LRRC7: variants seen among roughly 807,000 people sequenced by gnomAD.
LRRC7 encodes the protein leucine-rich repeat-containing protein 7.
In LRRC7, 23 loss-of-function variants were observed where a neutral mutation model predicts 175.7. That is an observed-to-expected ratio of 0.13 (90% confidence interval 0.09 to 0.19). The LOEUF (loss-of-function observed/expected upper bound fraction) is 0.19. Ranked by LOEUF, LRRC7 falls within the 10% of genes least tolerant of loss-of-function variation. LRRC7 has a pLI of 1.00. For synonymous variants in LRRC7, 685 were observed against 680.9 expected, an observed-to-expected ratio of 1.01 and a Z score of -0.09; for missense variants, 1,354 against 1,904.7, an observed-to-expected ratio of 0.71 and a Z score of 5.38.
chr1:70,107,106 C>T (rs1208888504), intron 25 of LRRC7, among the ~76,000 whole-genome samples: 3 of 152,194 alleles, frequency 2.0e-5, no homozygotes, highest in Non-Finnish European at 4.4e-5. Flanking sequence ...TCTTTCTATA[C>T]ATGGTCAATG....
chr1:69,663,669 A>G (rs1376086111), intron 1 of LRRC7, among the ~76,000 whole-genome samples: 4 of 106,742 alleles, frequency 3.7e-5, no homozygotes, highest in Non-Finnish European at 5.7e-5. Context: ...CCATCGTCCT[A>G]CTCTCTGTCT....
At chr1:69,770,193 G>T (rs1247996980) in intron 3 of LRRC7, among the ~76,000 whole-genome samples, 1 of 152,092 alleles carries the variant, frequency 6.6e-6, no homozygotes, top group Non-Finnish European at 1.5e-5. Flanking sequence ...GGAAGATCAA[G>T]GTTCTAATGC....
intron 23 of LRRC7, among the ~76,000 whole-genome samples, chr1:70,069,996 T>A (rs539525447): frequency 6.6e-6 from 1 of 152,238 alleles, no homozygotes; most frequent in African/African-American, 2.4e-5. Context: ...TTTTTAAAAA[T>A]TTTATATATT....
At position 70,038,175 on chromosome 1, in the gene LRRC7, T is replaced by C. The variant is rs376641036; in HGVS notation, c.2351T>C (p.Val784Ala). The change falls in exon 21 of 27, where the codon GTT becomes GCT. Residue 784 changes from valine to alanine, a missense_variant. Coordinates refer to ENST00000651989, the MANE Select transcript of LRRC7 (RefSeq NM_001370785.2). ...CCATTACTCAGCCAGCGGGAGGCTG[T>C]TCCCCCAGGCAATATACCACAGCGT... ...SKPLLSQREA[V>A]PPGNIPQRPD... 1.2e-6 allele frequency: 2 copies of C among 1,614,042 alleles called. No individual in the cohort carries two copies. Among genetic ancestry groups the C allele is most frequent in the Non-Finnish European group, 1.7e-6 (2 of 1,179,976 alleles).
At chr1:69,861,607 T>G (rs1479908133) in intron 7 of LRRC7, among the ~76,000 whole-genome samples, 2 of 152,242 alleles carry the variant, frequency 1.3e-5, no homozygotes, top group East Asian at 3.9e-4. Flanking sequence ...TGATAAAAGT[T>G]GAGTTCATCC....
intron 25 of LRRC7, among the ~76,000 whole-genome samples, chr1:70,097,466 AT>A (rs922173956): frequency 2.0e-5 from 3 of 152,004 alleles, no homozygotes; most frequent in African/African-American, 7.2e-5. Context: ...TTTTTTTACC[AT>A]TTTTTTATTG....
chr1:69,584,309 T>C (rs1243294689), intron 1 of LRRC7, among the ~76,000 whole-genome samples: 2 of 152,140 alleles, frequency 1.3e-5, no homozygotes, highest in East Asian at 1.9e-4. Flanking sequence ...TACTACTCTT[T>C]GTTGCCTAAC....
chr1:70,033,606 G>A (rs1301930588), intron 18 of LRRC7, among the ~76,000 whole-genome samples: 2 of 152,042 alleles, frequency 1.3e-5, no homozygotes, highest in African/African-American at 2.4e-5. Flanking sequence ...TGGTCACTAA[G>A]GCTGTTTTTG....
intron 18 of LRRC7, 123 bp from the exon 19 acceptor site, chr1:70,035,998 C>A: frequency 1.5e-6 from 1 of 663,694 alleles, no homozygotes; most frequent in Non-Finnish European, 2.5e-6. Context: ...TCTCCCAGTG[C>A]CTCACAGTGA....
rs909769977 is a variant in LRRC7 at position 70,140,695 on chromosome 1, T to G, written c.*18808T>G. On this transcript the variant is annotated 3_prime_UTR_variant, in exon 27 of 27. Coordinates refer to ENST00000651989, the MANE Select transcript of LRRC7 (RefSeq NM_001370785.2). ...TAATCCTTTACTCTCTTGCATGCAT[T>G]TTCCACCTTATTCCCAAACCAGGCT... The G allele has an allele frequency of 2.0e-5, 3 of 152,134 alleles. No homozygotes were observed. The highest frequency in any genetic ancestry group is 4.4e-5 in the Non-Finnish European group (3 of 68,018). The allele number at this position is 152,134 out of a possible 1,614,324, so 9.4% of individuals were successfully genotyped here. A position where few individuals can be genotyped will look rare whatever the true frequency, so the allele number is the denominator to read the frequency against.
chr1:69,810,203 T>G (rs770591769), intron 4 of LRRC7, among the ~76,000 whole-genome samples: 14 of 152,084 alleles, frequency 9.2e-5, no homozygotes, highest in Non-Finnish European at 1.8e-4. Flanking sequence ...TACCTAGGAA[T>G]ACAACTTACA....
chr1:69,883,957 CT>C (rs1686906780), intron 7 of LRRC7, among the ~76,000 whole-genome samples: 1 of 70,134 alleles, frequency 1.4e-5, no homozygotes, highest in Non-Finnish European at 2.9e-5. Flanking sequence ...GGGCTCTGTT[CT>C]GTTCCATTGA....
intron 1 of LRRC7, among the ~76,000 whole-genome samples, chr1:69,634,383 G>T (rs1056886198): frequency 1.3e-5 from 2 of 152,040 alleles, no homozygotes; most frequent in Non-Finnish European, 2.9e-5. Flanking sequence ...TATTCATGCG[G>T]TCTGCAAGAT....
chr1:70,111,731 A>G (rs1028739810), intron 26 of LRRC7, among the ~76,000 whole-genome samples: 4 of 152,212 alleles, frequency 2.6e-5, no homozygotes, highest in African/African-American at 7.2e-5. Context: ...ATAGTTAACA[A>G]CAGATTCACA....
In LRRC7 at chr1:69,944,417, AC is replaced by A. The variant is rs375900600; in HGVS notation, c.711+12848del. 3.8e-4 allele frequency among the ~76,000 whole-genome samples: 58 copies of A among 152,242 alleles called. No individual in the cohort carries two copies. The East Asian group carries it at 5.6e-3, about 15-fold the overall frequency. On this transcript the variant is annotated intron_variant, in intron 8 of 26. Transcript: ENST00000651989. Reference sequence around the variant, plus strand: ...CATTTATTTATTCATCCATCAGTGGACATTTGGGTCACTTATACATCCCAGC... The same window carrying A: ...CATTTATTTATTCATCCATCAGTGGAATTTGGGTCACTTATACATCCCAGC...
intron 1 of LRRC7, among the ~76,000 whole-genome samples, chr1:69,586,514 G>A (rs758418703): frequency 2.0e-5 from 3 of 152,024 alleles, no homozygotes; most frequent in Non-Finnish European, 4.4e-5. Flanking sequence ...CGGGGGACAG[G>A]ATGCAGCAGG....
At chr1:69,843,350 A>G (rs1228152212) in intron 7 of LRRC7, among the ~76,000 whole-genome samples, 1 of 152,056 alleles carries the variant, frequency 6.6e-6, no homozygotes, top group East Asian at 1.9e-4. Context: ...AGAAGAGAAT[A>G]TTTTATTGAG....
intron 1 of LRRC7, among the ~76,000 whole-genome samples, chr1:69,574,850 T>G (rs1187504896): frequency 6.6e-6 from 1 of 152,150 alleles, no homozygotes; most frequent in Non-Finnish European, 1.5e-5. Flanking sequence ...TGAAAAAAAT[T>G]TCTTCCCTAT....
intron 26 of LRRC7, 23 bp downstream of exon 26, chr1:70,107,849 A>G (rs776213852): frequency 3.2e-6 from 5 of 1,572,660 alleles, no homozygotes; most frequent in Non-Finnish European, 4.4e-6. Context: ...AAAGAAATGC[A>G]TGCAAATGCC....
Sources: gnomAD v4.1 joint callset for allele counts (sites outside exome capture counted in the v4.1 genomes callset) on GRCh38, gnomAD v4.1.1 for gene constraint, MANE v1.5 for transcripts, NCBI Gene and HGNC (gene_info 2026-07-23, HGNC 2026-07-21) for gene names.